Variants in CCDC192 observed in about 807,000 individuals in gnomAD.
CCDC192 encodes the protein coiled-coil domain-containing protein 192.
intron 2 of CCDC192, among the ~76,000 whole-genome samples, chr5:127,710,764 T>C (rs1751279702): frequency 6.6e-6 from 1 of 152,194 alleles, no homozygotes; most frequent in African/African-American, 2.4e-5. Flanking sequence ...ATTACCAATT[T>C]AGAAATTAAG....
chr5:127,834,013 G>A (rs111784819), intron 5 of CCDC192, among the ~76,000 whole-genome samples: 1 of 152,242 alleles, frequency 6.6e-6, no homozygotes, highest in Non-Finnish European at 1.5e-5. Context: ...ATTATTTTGA[G>A]CTGAGGGCAA....
intron 5 of CCDC192, among the ~76,000 whole-genome samples, chr5:127,808,283 A>C (rs1344645764): frequency 6.7e-6 from 1 of 149,898 alleles, no homozygotes; most frequent in African/African-American, 2.5e-5. Flanking sequence ...TCTTTATCAC[A>C]TCTTTTGAGT....
chr5:127,910,826 T>C (rs893687853), intron 6 of CCDC192, among the ~76,000 whole-genome samples: 5 of 152,166 alleles, frequency 3.3e-5, no homozygotes, highest in Admixed American at 6.5e-5. Context: ...TTTGAGGTTG[T>C]TTAAAAGTGG....
At chr5:127,907,841 A>G (rs976116403) in intron 6 of CCDC192, among the ~76,000 whole-genome samples, 12 of 152,236 alleles carry the variant, frequency 7.9e-5, no homozygotes, top group African/African-American at 2.7e-4. Flanking sequence ...CGGTTTGTAA[A>G]ATTAGTTGAA....
chr5:127,782,573 A>T (rs1756293307), intron 3 of CCDC192, among the ~76,000 whole-genome samples: 1 of 152,006 alleles, frequency 6.6e-6, no homozygotes, highest in African/African-American at 2.4e-5. Context: ...GAATTCATCC[A>T]TGTCATCTAG....
chr5:127,857,567 A>G (rs546992030), intron 5 of CCDC192: 1 of 152,186 alleles, frequency 6.6e-6, no homozygotes, highest in East Asian at 1.9e-4. Context: ...TACATATTTT[A>G]TATATATGAG....
chr5:127,894,120 A>G (rs953484690), intron 6 of CCDC192, among the ~76,000 whole-genome samples: 2 of 151,706 alleles, frequency 1.3e-5, no homozygotes, highest in African/African-American at 4.8e-5. Flanking sequence ...TACAGGCCCT[A>G]CTACTTAAAG....
chr5:127,914,050 T>A (rs1006307789), intron 6 of CCDC192, among the ~76,000 whole-genome samples: 1 of 152,178 alleles, frequency 6.6e-6, no homozygotes, highest in African/African-American at 2.4e-5. Context: ...TTATGATAAC[T>A]TGGTAAATAG....
intron 6 of CCDC192, among the ~76,000 whole-genome samples, chr5:127,900,654 A>T (rs1753012713): frequency 6.6e-6 from 1 of 152,228 alleles, no homozygotes; most frequent in African/African-American, 2.4e-5. Flanking sequence ...AGAAAAGTAT[A>T]TTAAACATTA....
In CCDC192 at chr5:127,846,288, CAA is replaced by C. The variant is rs34754443; in HGVS notation, c.412-29233_412-29232del. Among the ~76,000 whole-genome samples, 1,154 of 124,394 alleles carry C rather than the reference CAA, an allele frequency of 9.3e-3. 13 individuals carry two copies. The highest frequency in any genetic ancestry group is 0.026 in the African/African-American group (869 of 33,118). The allele number at this position is 124,394 out of a possible 152,430, so 81.6% of individuals were successfully genotyped here. A position where few individuals can be genotyped will look rare whatever the true frequency, so the allele number is the denominator to read the frequency against. ...TGGGCGACAGAGCAAGACTCGGTCT[CAA>C]AAAAAAAAAAAAAAAATTGTTAAAT... On this transcript the variant is annotated intron_variant, in intron 5 of 6. Coordinates refer to ENST00000514853, the MANE Select transcript of CCDC192 (RefSeq NM_001317938.2).
At chr5:127,702,729 G>T (rs900788885), upstream of CCDC192, among the ~76,000 whole-genome samples, 3 of 152,190 alleles carry the variant, frequency 2.0e-5, no homozygotes, top group Non-Finnish European at 4.4e-5. Flanking sequence ...GATCCTACCT[G>T]TACTTCCTGT....
intron 3 of CCDC192, among the ~76,000 whole-genome samples, chr5:127,757,484 TG>T (rs1248839522): frequency 3.3e-5 from 5 of 152,152 alleles, no homozygotes; most frequent in Admixed American, 3.3e-4. Context: ...CTGAGATTTT[TG>T]CTTTCTCCAA....
intron 3 of CCDC192, among the ~76,000 whole-genome samples, chr5:127,756,646 G>T (rs968664059): frequency 2.6e-5 from 4 of 152,242 alleles, no homozygotes; most frequent in Non-Finnish European, 4.4e-5. Flanking sequence ...GCCACAGGCT[G>T]CATGAACCCT....
intron 3 of CCDC192, among the ~76,000 whole-genome samples, chr5:127,790,195 G>A (rs756191197): frequency 7.9e-5 from 12 of 152,282 alleles, no homozygotes; most frequent in East Asian, 5.8e-4. Flanking sequence ...GGAATTTGCC[G>A]TGATAGGTTT....
chr5:127,750,028 C>A (rs572179643), intron 2 of CCDC192, among the ~76,000 whole-genome samples: 4 of 151,738 alleles, frequency 2.6e-5, no homozygotes. Flanking sequence ...GTCTTGCTAG[C>A]GGTCTATCAA....
At chr5:127,919,662 T>C (rs546584202) in intron 6 of CCDC192, among the ~76,000 whole-genome samples, 2 of 152,332 alleles carry the variant, frequency 1.3e-5, no homozygotes, top group Non-Finnish European at 1.5e-5. Flanking sequence ...GCAAACTGGA[T>C]TTTGCTACTC....
In CCDC192 at chr5:127,918,216, T is replaced by TAAAA. The variant is rs1219307107; in HGVS notation, c.536-22950_536-22947dup. Among the ~76,000 whole-genome samples, 16 of 100,416 alleles carry TAAAA rather than the reference T, an allele frequency of 1.6e-4. 1 individual carries two copies. The highest frequency in any genetic ancestry group is 4.1e-4 in the African/African-American group (9 of 22,134). The allele number at this position is 100,416 out of a possible 152,430, so 65.9% of individuals were successfully genotyped here. ...AGGGTTGCCAGACACCTTCAATTTG[T>TAAAA]AAAAAAAAAAAAAAAAAAAGTAGTA... On this transcript the variant is annotated intron_variant, in intron 6 of 6. Coordinates refer to ENST00000514853, the MANE Select transcript of CCDC192 (RefSeq NM_001317938.2).
Position 127,939,877 on chromosome 5 carries a change from G to A in CCDC192, c.536-1305G>A, listed in dbSNP as rs184037144. Among the ~76,000 whole-genome samples, 342 of 152,256 alleles carry A rather than the reference G, an allele frequency of 2.2e-3. 1 individual carries two copies. The highest frequency in any genetic ancestry group is 2.9e-3 in the African/African-American group (120 of 41,546). On this transcript the variant is annotated intron_variant, in intron 6 of 6. Coordinates refer to ENST00000514853, the MANE Select transcript of CCDC192 (RefSeq NM_001317938.2). ...GGGACCTCAATTGTAACAATCTACC[G>A]TGGAGACCACGCATCAGGTTCATTC...
intron 6 of CCDC192, among the ~76,000 whole-genome samples, chr5:127,887,388 T>C (rs1395578523): frequency 6.6e-6 from 1 of 151,540 alleles, no homozygotes; most frequent in African/African-American, 2.4e-5. Context: ...CAAAATTCTT[T>C]ATCACACTAG....
Sources: gnomAD v4.1 joint callset for allele counts (sites outside exome capture counted in the v4.1 genomes callset) on GRCh38, gnomAD v4.1.1 for gene constraint, MANE v1.5 for transcripts, NCBI Gene and HGNC (gene_info 2026-07-23, HGNC 2026-07-21) for gene names.